JMJD1C: variants seen among roughly 807,000 people sequenced by gnomAD.
JMJD1C encodes the protein jumonji domain-containing protein 1C.
In JMJD1C, 31 loss-of-function variants were observed where a neutral mutation model predicts 245.3. That is an observed-to-expected ratio of 0.13 (90% CI 0.09 to 0.17). JMJD1C has a LOEUF of 0.17. Among genes scored for constraint, JMJD1C ranks in the 10% least tolerant of loss-of-function variants. The pLI is 1.00. For synonymous variants in JMJD1C, 1,057 were observed against 1,017.4 expected (o/e 1.04, Z -0.74); for missense variants, 2,691 against 3,000.2 (o/e 0.90, Z 2.41).
chr10:63,519,168 T>C (rs373275363), intron 1 of JMJD1C, among the ~76,000 whole-genome samples: 4 of 152,144 alleles, frequency 2.6e-5, no homozygotes, highest in East Asian at 3.8e-4. Flanking sequence ...GTAATCTAAA[T>C]GTGGAAGAGG....
At chr10:63,517,182 C>T (rs1036532861) in intron 1 of JMJD1C, among the ~76,000 whole-genome samples, 8 of 152,186 alleles carry the variant, frequency 5.3e-5, no homozygotes, top group Non-Finnish European at 1.5e-5. Flanking sequence ...TTAATAATTA[C>T]AGCGATCAGA....
intron 2 of JMJD1C, among the ~76,000 whole-genome samples, chr10:63,374,938 T>C (rs1460173887): frequency 6.6e-6 from 1 of 152,220 alleles, no homozygotes; most frequent in Non-Finnish European, 1.5e-5. Flanking sequence ...TATGGTTTTC[T>C]AAGTATAAGA....
chr10:63,417,450 T>A (rs1949874171), intron 1 of JMJD1C, among the ~76,000 whole-genome samples: 1 of 152,192 alleles, frequency 6.6e-6, no homozygotes, highest in Non-Finnish European at 1.5e-5. Context: ...AATATGCCCC[T>A]TTTTATAAGC....
intron 1 of JMJD1C, among the ~76,000 whole-genome samples, chr10:63,449,707 T>TA (rs1377332387): frequency 1.3e-5 from 2 of 152,052 alleles, no homozygotes; most frequent in African/African-American, 2.4e-5. Flanking sequence ...GGAGAATATT[T>TA]AAAAAAATCA....
chr10:63,206,793 A>C lies in JMJD1C; in HGVS notation c.4876T>G (p.Ser1626Ala), dbSNP rs1179605467. ...CTTTCATCTGAGTCTCCACTTTCAG[A>C]GCCAGATTCATAAGTTCTTTTGGCT... ...RKAKRTYESG[S>A]ESGDSDESES... The change falls in exon 10 of 26, where the codon TCT (serine) becomes GCT (alanine). Residue 1626 changes from serine to alanine, a missense_variant. By Grantham distance (99) the Ser-to-Ala change is moderately conservative. Transcript: ENST00000399262. The C allele has an allele frequency of 1.2e-6, 2 of 1,605,776 alleles. No individual in the cohort carries two copies. The highest frequency in any genetic ancestry group is 2.2e-5 in the East Asian group (1 of 44,828).
intron 2 of JMJD1C, among the ~76,000 whole-genome samples, chr10:63,296,399 C>A (rs973698433): frequency 6.6e-6 from 1 of 152,134 alleles, no homozygotes; most frequent in Non-Finnish European, 1.5e-5. Flanking sequence ...GTATTTTCCA[C>A]AAAAGGCATA....
intron 1 of JMJD1C, chr10:63,427,705 T>A: frequency 1.5e-6 from 2 of 1,322,678 alleles, no homozygotes; most frequent in African/African-American, 2.9e-5. Context: ...CTCTAGCTTA[T>A]TTGGTGTCTC....
chr10:63,331,612 C>T (rs1444911812), intron 2 of JMJD1C, among the ~76,000 whole-genome samples: 1 of 152,130 alleles, frequency 6.6e-6, no homozygotes, highest in East Asian at 1.9e-4. Flanking sequence ...TTCAACACTT[C>T]AATAAATAAA....
At chr10:63,268,935 T>C (rs1855960731) in intron 2 of JMJD1C, 2 of 985,696 alleles carry the variant, frequency 2.0e-6, no homozygotes, top group Admixed American at 6.1e-5. Context: ...CAAATGACGA[T>C]TTTCTGTCTG....
chr10:63,506,028 T>C (rs941562257), intron 1 of JMJD1C, among the ~76,000 whole-genome samples: 3 of 152,128 alleles, frequency 2.0e-5, no homozygotes, highest in South Asian at 2.1e-4. Context: ...TTCTATTTAA[T>C]AGCTGCTAAT....
At chr10:63,222,673 G>T in intron 3 of JMJD1C, 1 of 1,535,064 alleles carries the variant, frequency 6.5e-7, no homozygotes, top group Non-Finnish European at 9.0e-7. Flanking sequence ...AGGGAGTGGT[G>T]CATTCATTTG....
At chr10:63,428,933 A>C (rs1331559095) in intron 1 of JMJD1C, among the ~76,000 whole-genome samples, 1 of 152,168 alleles carries the variant, frequency 6.6e-6, no homozygotes, top group Non-Finnish European at 1.5e-5. Context: ...CTGGCTTAAA[A>C]TAAAATTTAC....
intron 2 of JMJD1C, among the ~76,000 whole-genome samples, chr10:63,271,353 T>G (rs563228043): frequency 1.1e-4 from 16 of 151,592 alleles, no homozygotes; most frequent in African/African-American, 3.6e-4. Flanking sequence ...ATTTTTGTAT[T>G]TTCAGTAGAG....
chr10:63,395,980 T>A (rs1369167331), intron 1 of JMJD1C, among the ~76,000 whole-genome samples: 1 of 151,952 alleles, frequency 6.6e-6, no homozygotes, highest in Non-Finnish European at 1.5e-5. Context: ...TATAGGGGAG[T>A]GATTGCACTG....
At chr10:63,486,335 T>C (rs1028188307) in intron 1 of JMJD1C, among the ~76,000 whole-genome samples, 5 of 151,922 alleles carry the variant, frequency 3.3e-5, no homozygotes, top group African/African-American at 1.2e-4. Context: ...GTGGATATGT[T>C]AGCAGGGACC....
intron 1 of JMJD1C, among the ~76,000 whole-genome samples, chr10:63,387,408 A>G (rs1947692916): frequency 6.6e-6 from 1 of 152,050 alleles, no homozygotes; most frequent in Admixed American, 6.5e-5. Flanking sequence ...AGACACAAAG[A>G]AAATAATACA....
At chr10:63,224,888 C>T (rs147606659) in intron 3 of JMJD1C, among the ~76,000 whole-genome samples, 4 of 151,796 alleles carry the variant, frequency 2.6e-5, no homozygotes, top group South Asian at 2.1e-4. Context: ...ATGGTGAAAC[C>T]CCATCTCTAC....
intron 17 of JMJD1C, 84 bp from the exon 18 acceptor site, chr10:63,189,530 A>T (rs2132956879): frequency 3.6e-6 from 4 of 1,117,712 alleles, no homozygotes; most frequent in Non-Finnish European, 2.5e-6. Flanking sequence ...ATTTTTTTTT[A>T]AACAATATCC....
chr10:63,244,064 C>A (rs1052412411), intron 3 of JMJD1C, among the ~76,000 whole-genome samples: 3 of 152,070 alleles, frequency 2.0e-5, no homozygotes, highest in Non-Finnish European at 4.4e-5. Flanking sequence ...TCAGGAACAC[C>A]CAAAGGGAGA....
Sources: gnomAD v4.1 joint callset for allele counts (sites outside exome capture counted in the v4.1 genomes callset) on GRCh38, gnomAD v4.1.1 for gene constraint, MANE v1.5 for transcripts, NCBI Gene and HGNC (gene_info 2026-07-23, HGNC 2026-07-21) for gene names.